The following EBF2 variants were observed in gnomAD, a reference collection of about 807,000 sequenced individuals.
The protein encoded by EBF2 is EBF transcription factor 2.
A neutral mutation model predicts 72.8 loss-of-function variants in EBF2; 21 were observed. The observed-to-expected ratio is 0.29, with a 90% CI of 0.20 to 0.42. The LOEUF is 0.42. Among genes scored for constraint, EBF2 ranks in the 10% least tolerant of loss-of-function variants. The pLI is 1.00. For synonymous variants in EBF2, 299 were observed against 274.2 expected, an observed-to-expected ratio of 1.09 and a Z score of -0.89; for missense variants, 637 against 731.2, an observed-to-expected ratio of 0.87 and a Z score of 1.49.
At position 25,886,898 on chromosome 8, in the gene EBF2, C is replaced by T. The variant is rs760033612; in HGVS notation, c.883-17G>A. The T allele has an allele frequency of 1.2e-6, 2 of 1,609,428 alleles. No individual in the cohort carries two copies. The highest frequency in any genetic ancestry group is 1.3e-5 in the African/African-American group (1 of 74,858). ...GGTTATTAGCTGAGGAATGAACAGG[C>T]AGGGAAATAAAATACCCATTAGACA... On this transcript the variant is annotated splice_polypyrimidine_tract_variant and intron_variant, in intron 9 of 15. Coordinates refer to ENST00000520164, the MANE Select transcript of EBF2 (RefSeq NM_022659.4).
intron 6 of EBF2, among the ~76,000 whole-genome samples, chr8:25,955,662 A>C (rs933609579): frequency 6.6e-6 from 1 of 152,146 alleles, no homozygotes; most frequent in Admixed American, 6.5e-5. Context: ...AAGGAAGGAA[A>C]AAGGAGAGAG....
intron 15 of EBF2, among the ~76,000 whole-genome samples, chr8:25,849,994 G>C (rs555854604): frequency 4.6e-5 from 7 of 152,244 alleles, no homozygotes; most frequent in African/African-American, 1.7e-4. Context: ...TAGCAGAATG[G>C]CCTTGTGGAC....
At chr8:25,884,533 T>C (rs9942838) in intron 10 of EBF2, among the ~76,000 whole-genome samples, 83,982 of 152,016 alleles carry the variant, frequency 0.55, 25,986 homozygotes, top group African/African-American at 0.83. Context: ...CTTCTCACTA[T>C]CTGAAATTAT....
intron 6 of EBF2, among the ~76,000 whole-genome samples, chr8:25,964,854 G>A (rs562343579): frequency 7.2e-5 from 11 of 152,236 alleles, no homozygotes; most frequent in African/African-American, 1.7e-4. Flanking sequence ...CTACACATGC[G>A]GATGTTTGCA....
At chr8:25,886,965 T>C (rs1480470930) in intron 9 of EBF2, 84 bp from the exon 10 acceptor site, 9 of 1,473,036 alleles carry the variant, frequency 6.1e-6, no homozygotes, top group Non-Finnish European at 8.2e-6. Context: ...TCTCCCACTA[T>C]TGCTCCCCAG....
At chr8:25,968,646 C>A (rs1382646530) in intron 6 of EBF2, among the ~76,000 whole-genome samples, 1 of 152,160 alleles carries the variant, frequency 6.6e-6, no homozygotes, top group Non-Finnish European at 1.5e-5. Flanking sequence ...ACTGCAACCT[C>A]CACCCCCCTG....
intron 14 of EBF2, among the ~76,000 whole-genome samples, chr8:25,853,284 T>A (rs1163772241): frequency 6.6e-6 from 1 of 151,960 alleles, no homozygotes; most frequent in Non-Finnish European, 1.5e-5. Flanking sequence ...AGAAAAATAT[T>A]TGTAATACTT....
At chr8:25,895,182 A>G (rs1340326674) in intron 7 of EBF2, among the ~76,000 whole-genome samples, 1 of 152,244 alleles carries the variant, frequency 6.6e-6, no homozygotes, top group East Asian at 1.9e-4. Flanking sequence ...TCTGAAAACT[A>G]AGTCATGGTA....
At chr8:25,942,975 T>C (rs950972036) in intron 6 of EBF2, among the ~76,000 whole-genome samples, 1 of 152,176 alleles carries the variant, frequency 6.6e-6, no homozygotes, top group African/African-American at 2.4e-5. Flanking sequence ...AGCTCAGGAT[T>C]TCCCTCCGTG....
At chr8:25,983,323 G>A (rs1330875437) in intron 6 of EBF2, among the ~76,000 whole-genome samples, 1 of 152,132 alleles carries the variant, frequency 6.6e-6, no homozygotes, top group African/African-American at 2.4e-5. Context: ...GTAAAAATGC[G>A]CCTGTGAAAA....
intron 9 of EBF2, among the ~76,000 whole-genome samples, chr8:25,887,105 GTGTA>G (rs899800777): frequency 7.2e-6 from 1 of 139,026 alleles, no homozygotes; most frequent in African/African-American, 2.5e-5. Context: ...CTCTCTCTGT[GTGTA>G]TGTCTCTGTC....
intron 6 of EBF2, among the ~76,000 whole-genome samples, chr8:26,011,533 C>T (rs1035028860): frequency 1.3e-5 from 2 of 151,656 alleles, no homozygotes; most frequent in African/African-American, 4.8e-5. Context: ...GGTATTCCTT[C>T]GGTCTGATGC....
chr8:25,914,768 C>T (rs1169594715), intron 6 of EBF2, among the ~76,000 whole-genome samples: 3 of 152,064 alleles, frequency 2.0e-5, no homozygotes, highest in Non-Finnish European at 2.9e-5. Flanking sequence ...GATGTTCTAC[C>T]GAATCCATTT....
chr8:25,918,139 C>T (rs752346486), intron 6 of EBF2, among the ~76,000 whole-genome samples: 3 of 152,248 alleles, frequency 2.0e-5, no homozygotes, highest in East Asian at 1.9e-4. Flanking sequence ...GAGAAAGTGG[C>T]GGACAAAGTT....
chr8:25,943,324 A>G (rs1160605580), intron 6 of EBF2, among the ~76,000 whole-genome samples: 1 of 150,614 alleles, frequency 6.6e-6, no homozygotes, highest in African/African-American at 2.5e-5. Flanking sequence ...AAAAAAAAAA[A>G]AAAAAAAAAG....
At chr8:25,958,540 T>C (rs1360657291) in intron 6 of EBF2, among the ~76,000 whole-genome samples, 3 of 152,224 alleles carry the variant, frequency 2.0e-5, no homozygotes, top group African/African-American at 4.8e-5. Context: ...AAATTCCAGC[T>C]TTGTGCCAAA....
intron 7 of EBF2, among the ~76,000 whole-genome samples, chr8:25,907,025 A>G (rs551120901): frequency 2.0e-5 from 3 of 152,210 alleles, no homozygotes; most frequent in African/African-American, 7.2e-5. Context: ...CTGCTCCTAA[A>G]CATCTGTCTG....
intron 6 of EBF2, among the ~76,000 whole-genome samples, chr8:26,008,927 G>T (rs867496887): frequency 6.7e-6 from 1 of 150,022 alleles, no homozygotes; most frequent in South Asian, 2.1e-4. Context: ...AGGAAAAGTC[G>T]TTAAGCCAAA....
Position 25,909,131 on chromosome 8 carries a change from C to T in EBF2, c.552-576G>A, listed in dbSNP as rs548370022. On this transcript the variant is annotated intron_variant, in intron 6 of 15. Coordinates refer to ENST00000520164, the MANE Select transcript of EBF2 (RefSeq NM_022659.4). ...ATGATTAATAAGAAGTGTGAATATC[C>T]TCTCAGTTCATGTATAGATTATTCA... is the stretch of plus-strand genomic sequence containing the variant. 2.0e-5 allele frequency among the ~76,000 whole-genome samples: 3 copies of T among 152,264 alleles called. No individual in the cohort carries two copies. The South Asian group carries it at 6.2e-4, about 32-fold the overall frequency.
Sources: allele counts gnomAD v4.1 joint callset (sites outside exome capture counted in the v4.1 genomes callset), GRCh38; gene constraint gnomAD v4.1.1; transcripts MANE v1.5; gene names NCBI Gene and HGNC (gene_info 2026-07-23, HGNC 2026-07-21).